ZNF721: variants seen among roughly 807,000 people sequenced by gnomAD.
The protein encoded by ZNF721 is zinc finger protein 721.
ZNF721 carries 2 observed loss-of-function variants against 2.4 expected under a neutral mutation model. The ratio of observed to expected loss-of-function variants is 0.82; its 90% CI spans 0.34 to 2.58. ZNF721 has a LOEUF of 2.58. Ranked by LOEUF, ZNF721 falls within the 30% of genes most tolerant of loss-of-function variation. The pLI, the probability that ZNF721 is intolerant of heterozygous loss-of-function variation, is 0.11. For synonymous variants in ZNF721, 398 were observed against 381.8 expected (o/e 1.04, Z -0.50); for missense variants, 1,187 against 1,085.5 (o/e 1.09, Z -1.31).
intron 2 of ZNF721, among the ~76,000 whole-genome samples, chr4:461,234 G>A (rs988173542): frequency 2.0e-5 from 3 of 151,952 alleles, no homozygotes; most frequent in Admixed American, 1.3e-4. Flanking sequence ...ATCCAGCAGC[G>A]CATCAAAAAG....
intron 1 of ZNF721, among the ~76,000 whole-genome samples, chr4:483,875 G>C (rs574493002): frequency 6.6e-6 from 1 of 152,114 alleles, no homozygotes; most frequent in African/African-American, 2.4e-5. Context: ...GCAGTGGCAC[G>C]ATCTCAGCTC....
intron 1 of ZNF721, among the ~76,000 whole-genome samples, chr4:483,363 T>A (rs187826024): frequency 4.3e-4 from 65 of 151,900 alleles, no homozygotes; most frequent in African/African-American, 1.4e-3. Context: ...GCCTGGCCAA[T>A]ATGGTGAAAC....
intron 1 of ZNF721, among the ~76,000 whole-genome samples, chr4:486,271 GC>G (rs1715895308): frequency 6.6e-6 from 1 of 150,654 alleles, no homozygotes; most frequent in Non-Finnish European, 1.5e-5. Flanking sequence ...TGATTCTCCT[GC>G]CTCCGCCTCC....
At chr4:483,849 G>A (rs1182674970) in intron 1 of ZNF721, among the ~76,000 whole-genome samples, 2 of 152,084 alleles carry the variant, frequency 1.3e-5, no homozygotes, top group Non-Finnish European at 2.9e-5. Context: ...GTCTTGCTCT[G>A]TCGCCAGGCT....
At chr4:498,405 A>G (rs1490496325) in intron 1 of ZNF721, among the ~76,000 whole-genome samples, 1 of 152,074 alleles carries the variant, frequency 6.6e-6, no homozygotes, top group Non-Finnish European at 1.5e-5. Flanking sequence ...CAGAGGAATG[A>G]CTTTGAATAG....
chr4:474,777 G>T (rs1256314715), intron 1 of ZNF721, among the ~76,000 whole-genome samples: 1 of 152,166 alleles, frequency 6.6e-6, no homozygotes, highest in Non-Finnish European at 1.5e-5. Context: ...TCATGAAGCT[G>T]AGACAGGAGA....
At chr4:491,605 G>T (rs1441330095) in intron 1 of ZNF721, among the ~76,000 whole-genome samples, 2 of 152,168 alleles carry the variant, frequency 1.3e-5, no homozygotes, top group Non-Finnish European at 2.9e-5. Context: ...GAGGAAACAT[G>T]AACAAACCCT....
chr4:472,744 C>CCTG (rs1295195725), intron 1 of ZNF721, 43 bp from the exon 2 acceptor site: 1 of 1,606,352 alleles, frequency 6.2e-7, no homozygotes, highest in Non-Finnish European at 8.5e-7. Flanking sequence ...CTTAATTTGA[C>CCTG]TACAGGTGAA....
chr4:485,804 G>A (rs1461294449), intron 1 of ZNF721, among the ~76,000 whole-genome samples: 19 of 152,170 alleles, frequency 1.2e-4, no homozygotes, highest in East Asian at 1.2e-3. Context: ...GTGAAACCCC[G>A]TCTCTACTAA....
intron 1 of ZNF721, among the ~76,000 whole-genome samples, chr4:489,454 C>G (rs1474878058): frequency 1.3e-5 from 2 of 152,152 alleles, no homozygotes. Context: ...GGGAAGAGAG[C>G]CCAGACCTGG....
intron 2 of ZNF721, among the ~76,000 whole-genome samples, chr4:445,080 G>A (rs1553863999): frequency 2.7e-5 from 4 of 149,988 alleles, no homozygotes; most frequent in Non-Finnish European, 1.5e-5. Flanking sequence ...CACCTCCTGG[G>A]TTCATGCCAT....
intron 1 of ZNF721, among the ~76,000 whole-genome samples, chr4:480,309 C>G (rs1281285978): frequency 1.3e-5 from 2 of 152,178 alleles, no homozygotes; most frequent in Non-Finnish European, 2.9e-5. Flanking sequence ...TTGGATGAAT[C>G]TAAGTGATTT....
rs782165099 is a variant in ZNF721, at chr4:443,101, G to A, written c.1366C>T (p.His456Tyr). The change falls in exon 3 of 3, where the codon CAT becomes TAT. Residue 456 changes from histidine to tyrosine, a missense_variant. Coordinates refer to ENST00000511833, the MANE Select transcript of ZNF721 (RefSeq NM_133474.4). The stretch of plus-strand genomic sequence containing the variant: ...TCATGTTTATTCAGGTGCAAGGAAT[G>A]TATAAAGGCTTTCCCACATTCTTTA... ...KCKECGKAFI[H>Y]SLHLNKHEKI... is the part of the protein sequence containing the mutation. The A allele has an allele frequency of 6.2e-7, 1 of 1,613,908 alleles. No homozygotes were observed. The highest frequency in any genetic ancestry group is 2.2e-5 in the East Asian group (1 of 44,876).
At chr4:464,109 T>C (rs1285561456) in intron 2 of ZNF721, among the ~76,000 whole-genome samples, 1 of 152,084 alleles carries the variant, frequency 6.6e-6, no homozygotes, top group African/African-American at 2.4e-5. Flanking sequence ...ATAGTAGAAC[T>C]AAAAAATTTT....
intron 1 of ZNF721, among the ~76,000 whole-genome samples, chr4:483,284 C>G (rs1553869792): frequency 6.6e-6 from 1 of 152,184 alleles, no homozygotes; most frequent in East Asian, 1.9e-4. Context: ...GGCACGGTGG[C>G]TCACGCCTGT....
At chr4:448,085 A>C (rs1292855025) in intron 2 of ZNF721, among the ~76,000 whole-genome samples, 2 of 152,234 alleles carry the variant, frequency 1.3e-5, no homozygotes, top group African/African-American at 4.8e-5. Context: ...TGTAAAGAAC[A>C]CTGCTCAACG....
intron 2 of ZNF721, among the ~76,000 whole-genome samples, chr4:470,487 G>A (rs782067151): frequency 1.3e-5 from 2 of 152,254 alleles, no homozygotes; most frequent in South Asian, 2.1e-4. Flanking sequence ...AACAAGGCGG[G>A]AGGATCACTT....
At chr4:470,355 A>C (rs1022967519) in intron 2 of ZNF721, among the ~76,000 whole-genome samples, 6 of 152,220 alleles carry the variant, frequency 3.9e-5, no homozygotes, top group African/African-American at 1.4e-4. Context: ...AAAAATACAA[A>C]CAAGTGGGAT....
intron 1 of ZNF721, among the ~76,000 whole-genome samples, chr4:475,643 C>T (rs1715606097): frequency 6.6e-6 from 1 of 152,000 alleles, no homozygotes; most frequent in African/African-American, 2.4e-5. Flanking sequence ...TCTACCAATT[C>T]TTCCTATGCC....
Sources: gnomAD v4.1 joint callset for allele counts (sites outside exome capture counted in the v4.1 genomes callset) on GRCh38, gnomAD v4.1.1 for gene constraint, MANE v1.5 for transcripts, NCBI Gene and HGNC (gene_info 2026-07-23, HGNC 2026-07-21) for gene names.